U2AF2: variants seen among roughly 807,000 people sequenced by gnomAD.
The protein encoded by U2AF2 is U2 small nuclear RNA auxiliary factor 2.
U2AF2 carries 6 observed loss-of-function variants against 52.6 expected under a neutral mutation model. The ratio of observed to expected loss-of-function variants is 0.11; its 90% CI spans 0.06 to 0.23. U2AF2 has a LOEUF of 0.23. Ranked by LOEUF, U2AF2 falls within the 10% of genes least tolerant of loss-of-function variation. The pLI is 1.00. For synonymous variants in U2AF2, 284 were observed against 258.2 expected, an observed-to-expected ratio of 1.10 and a Z score of -0.96; for missense variants, 222 against 677.1, an observed-to-expected ratio of 0.33 and a Z score of 7.46.
chr19:55,672,489 T>TGG (rs1374774053), intron 11 of U2AF2, among the ~76,000 whole-genome samples: 1 of 152,178 alleles, frequency 6.6e-6, no homozygotes, highest in Non-Finnish European at 1.5e-5. Flanking sequence ...TATTGAGATG[T>TGG]ATCCCCAGCC....
At chr19:55,655,921 C>T (rs1018383085) in intron 1 of U2AF2, among the ~76,000 whole-genome samples, 2 of 152,152 alleles carry the variant, frequency 1.3e-5, no homozygotes, top group African/African-American at 4.8e-5. Flanking sequence ...AACCTCAAAT[C>T]ATTTACAATC....
intron 11 of U2AF2, 71 bp from the exon 12 acceptor site, chr19:55,673,863 G>A: frequency 6.4e-7 from 1 of 1,551,226 alleles, no homozygotes; most frequent in Non-Finnish European, 8.7e-7. Flanking sequence ...TTCAGTGCTG[G>A]GGTTGGGTGG....
At chr19:55,661,231 T>C (rs760784133) in intron 5 of U2AF2, 42 bp downstream of exon 5, 1 of 1,485,146 alleles carries the variant, frequency 6.7e-7, no homozygotes, top group South Asian at 1.3e-5. Flanking sequence ...CTTGTCCCTC[T>C]ACCCCGTTCC....
chr19:55,671,500 A>G (rs983174271), intron 11 of U2AF2: 2 of 152,318 alleles, frequency 1.3e-5, no homozygotes, highest in Middle Eastern at 3.4e-3. Flanking sequence ...ATGAGGGCTG[A>G]TGGACACTCA....
At chr19:55,666,197 T>G (rs1269973657) in intron 7 of U2AF2, among the ~76,000 whole-genome samples, 1 of 152,220 alleles carries the variant, frequency 6.6e-6, no homozygotes, top group Non-Finnish European at 1.5e-5. Context: ...TGCACCAAGA[T>G]GGCCTGGTCA....
At chr19:55,656,271 C>T (rs986952377) in intron 1 of U2AF2, among the ~76,000 whole-genome samples, 1 of 152,110 alleles carries the variant, frequency 6.6e-6, no homozygotes, top group African/African-American at 2.4e-5. Context: ...CTAGCTCGTT[C>T]GGAGGACGAA....
chr19:55,672,718 C>A (rs1355838639), intron 11 of U2AF2, among the ~76,000 whole-genome samples: 1 of 150,602 alleles, frequency 6.6e-6, no homozygotes, highest in Non-Finnish European at 1.5e-5. Context: ...TCAAATTTTT[C>A]TATCTCAAGA....
chr19:55,657,211 C>T (rs963293463), intron 1 of U2AF2, among the ~76,000 whole-genome samples: 20 of 152,210 alleles, frequency 1.3e-4, no homozygotes, highest in Admixed American at 5.9e-4. Flanking sequence ...GGCACGGCTC[C>T]TGGGTTGGCG....
At position 55,668,517 on chromosome 19, in the gene U2AF2, C is replaced by T. The variant is rs1273251622; in HGVS notation, c.753C>T (p.Ser251=). The T allele has an allele frequency of 1.2e-6, 2 of 1,601,502 alleles. No individual in the cohort carries two copies. Among genetic ancestry groups the T allele is most frequent in the South Asian group, 1.1e-5 (1 of 88,940 alleles). ...CTTCTCTACCCATAGGGGTTGTGTC[C>T]ACTGTGGTCCCCGACTCTGCCCACA... ...NPSVYVPGVV[S]TVVPDSAHKL... is the part of the protein sequence containing the mutation. Residue 251 remains serine, a synonymous_variant, in exon 8 of 12, where the codon TCC becomes TCT. Transcript: ENST00000308924. This position sits in a 1 kb window ranked among gnomAD's most constrained non-coding sequence, Gnocchi z 5.5.
In U2AF2 at chr19:55,661,057, C is replaced by G. The variant is rs777458724; in HGVS notation, c.354C>G (p.Ala118=). 2.0e-5 allele frequency: 32 copies of G among 1,588,538 alleles called. No homozygotes were observed. Among genetic ancestry groups the G allele is most frequent in the Middle Eastern group, 1.7e-4 (1 of 5,974 alleles). ...TTGAAGCTGCGGGTCAGATTCCAGC[C>G]ACTGCTCTTCTCCCCACCATGACCC... ...KAMQAAGQIP[A]TALLPTMTPD... is the part of the protein sequence containing the mutation. Residue 118 remains alanine (A), a synonymous_variant, in exon 5 of 12, where the codon GCC becomes GCG. Transcript: ENST00000308924.
intron 2 of U2AF2, 110 bp downstream of exon 2, chr19:55,659,455 C>T: frequency 7.8e-7 from 1 of 1,288,482 alleles, no homozygotes; most frequent in Non-Finnish European, 1.0e-6. Flanking sequence ...CCCTGTGTGG[C>T]TCGTTCGTTC....
intron 1 of U2AF2, among the ~76,000 whole-genome samples, chr19:55,658,452 G>C (rs1216000211): frequency 6.6e-6 from 1 of 152,150 alleles, no homozygotes; most frequent in South Asian, 2.1e-4. Context: ...GAGGGAGCCT[G>C]CTGGAGGCTG....
intron 4 of U2AF2, 133 bp downstream of exon 4, chr19:55,660,752 TG>T: frequency 1.1e-6 from 1 of 943,846 alleles, no homozygotes; most frequent in Non-Finnish European, 1.6e-6. Context: ...CTGGGGGTTC[TG>T]GTCTCTGCGC....
intron 11 of U2AF2, among the ~76,000 whole-genome samples, chr19:55,673,172 G>T (rs2122133863): frequency 6.6e-6 from 1 of 152,270 alleles, no homozygotes. Context: ...ATCTGCCTCA[G>T]CCTCCCAAAG....
chr19:55,662,546 G>C lies in U2AF2; in HGVS notation c.531G>C (p.Gly177=). 1 of 1,612,932 alleles carries C rather than the reference G, an allele frequency of 6.2e-7. No homozygotes were observed. Among genetic ancestry groups the C allele is most frequent in the East Asian group, 2.2e-5 (1 of 44,830 alleles). ...TCAACGCCCAGATGCGCCTGGGGGG[G>C]CTGACCCAGGCCCCTGGCAACCCAG... ...DFFNAQMRLG[G]LTQAPGNPVL... Residue 177 remains glycine (G), a synonymous_variant, in exon 6 of 12, where the codon GGG becomes GGC. Coordinates refer to ENST00000308924, the MANE Select transcript of U2AF2 (RefSeq NM_007279.3).
At chr19:55,661,001 C>T (rs759429477) in intron 4 of U2AF2, 37 bp from the exon 5 acceptor site, 2 of 1,546,460 alleles carry the variant, frequency 1.3e-6, no homozygotes, top group South Asian at 2.4e-5. Flanking sequence ...GAGCATTCCC[C>T]TGATGGGGTT....
chr19:55,660,155 A>G (rs1984076954), intron 2 of U2AF2, 22 bp from the exon 3 acceptor site: 1 of 1,576,472 alleles, frequency 6.3e-7, no homozygotes, highest in African/African-American at 1.4e-5. Context: ...CCCTCCCCAT[A>G]CCTTTCCCTC....
At chr19:55,659,437 G>A in intron 2 of U2AF2, 92 bp downstream of exon 2, 1 of 1,360,790 alleles carries the variant, frequency 7.3e-7, no homozygotes, top group Non-Finnish European at 9.5e-7. Context: ...TCTGTGTCTG[G>A]GTCCGGGCCC....
intron 2 of U2AF2, among the ~76,000 whole-genome samples, 198 bp from the exon 3 acceptor site, chr19:55,659,979 C>G (rs1031785939): frequency 1.3e-5 from 2 of 152,110 alleles, no homozygotes; most frequent in African/African-American, 4.8e-5. Flanking sequence ...TGGCCCCTTT[C>G]TCCTTTCCTC....
Sources: gnomAD v4.1 joint callset for allele counts (sites outside exome capture counted in the v4.1 genomes callset) on GRCh38, gnomAD v4.1.1 for gene constraint, Gnocchi (gnomAD v3.1) non-coding constraint, MANE v1.5 for transcripts, NCBI Gene and HGNC (gene_info 2026-07-23, HGNC 2026-07-21) for gene names.